Variants in DBT observed in about 807,000 individuals in gnomAD.
The protein encoded by DBT is lipoamide acyltransferase component of branched-chain alpha-keto acid dehydrogenase complex, mitochondrial.
DBT carries 40 observed loss-of-function variants against 51.3 expected under a neutral mutation model. That is an observed-to-expected ratio of 0.78 (90% confidence interval 0.61 to 1.02). The LOEUF is 1.02. DBT is among the 50% of genes least tolerant of loss of function. DBT has a pLI of 0.00. For synonymous variants in DBT, 181 were observed against 190.4 expected, an observed-to-expected ratio of 0.95 and a Z score of 0.41; for missense variants, 510 against 580.2, an observed-to-expected ratio of 0.88 and a Z score of 1.24.
chr1:100,213,484 C>G, intron 7 of DBT: 1 of 1,546,210 alleles, frequency 6.5e-7, no homozygotes, highest in African/African-American at 1.4e-5. Flanking sequence ...GCTGGACCGT[C>G]ATCCGCTATC....
chr1:100,190,303 T>C lies in DBT; in HGVS notation c.*5952A>G, dbSNP rs1172430677. On this transcript the variant is annotated 3_prime_UTR_variant, in exon 11 of 11. Coordinates refer to ENST00000370132, the MANE Select transcript of DBT (RefSeq NM_001918.5). ...ATGTTGGAGGGGAAGAGATAGAATA[T>C]GAAGAATCTCTTGAGAAGTGTTATG... 1 of 152,182 alleles carries C rather than the reference T, an allele frequency of 6.6e-6. No homozygotes were observed. The highest frequency in any genetic ancestry group is 1.5e-5 in the Non-Finnish European group (1 of 68,032). 9.4% of individuals were successfully genotyped at this position (152,182 alleles called of 1,614,324 possible).
intron 4 of DBT, among the ~76,000 whole-genome samples, chr1:100,224,775 G>A (rs1439254521): frequency 6.6e-6 from 1 of 151,846 alleles, no homozygotes; most frequent in African/African-American, 2.4e-5. Context: ...CCAGCACTTT[G>A]GGAGGCCGAG....
At chr1:100,213,246 C>A (rs1030790377) in intron 7 of DBT, 160 of 1,192,676 alleles carry the variant, frequency 1.3e-4, no homozygotes, top group Middle Eastern at 9.4e-4. Flanking sequence ...CCACCCGGGG[C>A]GTGCGCCGCG....
intron 8 of DBT, among the ~76,000 whole-genome samples, chr1:100,210,359 A>G (rs1262621578): frequency 6.7e-6 from 1 of 149,226 alleles, no homozygotes; most frequent in African/African-American, 2.4e-5. Flanking sequence ...TAAGAATAAT[A>G]ATATTAAAAT....
In DBT at chr1:100,210,699, A is replaced by T; in HGVS notation, c.1012T>A (p.Tyr338Asn). ...SVDENCQNITYKASHNIGIAM... is the reference protein window; with the variant it reads ...SVDENCQNITNKASHNIGIAM... The stretch of plus-strand genomic sequence containing the variant: ...TTTTACTCTGCATAGCCAACCTTAT[A>T]TGTTATATTCTGGCAGTTTTCATCC... The change falls in exon 8 of 11, where the codon TAT (tyrosine) becomes AAT (asparagine). Residue 338 changes from tyrosine to asparagine, a missense_variant. Physicochemically the swap from Tyr to Asn is moderately radical, Grantham distance 143. Coordinates refer to ENST00000370132, the MANE Select transcript of DBT (RefSeq NM_001918.5). The T allele has an allele frequency of 6.2e-7, 1 of 1,613,140 alleles. No homozygotes were observed. The highest frequency in any genetic ancestry group is 8.5e-7 in the Non-Finnish European group (1 of 1,179,204).
chr1:100,237,868 T>C (rs1212941833), intron 2 of DBT, among the ~76,000 whole-genome samples: 1 of 152,080 alleles, frequency 6.6e-6, no homozygotes, highest in Non-Finnish European at 1.5e-5. Flanking sequence ...CTTGAACTCC[T>C]GGCCTCAAGC....
chr1:100,228,357 T>G (rs1663342465), intron 4 of DBT, among the ~76,000 whole-genome samples: 1 of 151,952 alleles, frequency 6.6e-6, no homozygotes. Context: ...AACAACTAGG[T>G]GCAATGTATG....
chr1:100,217,154 T>G (rs1358767254), intron 5 of DBT, among the ~76,000 whole-genome samples: 2 of 152,172 alleles, frequency 1.3e-5, no homozygotes, highest in African/African-American at 2.4e-5. Flanking sequence ...CAATATTTAA[T>G]TTTTAGTAAT....
intron 8 of DBT, among the ~76,000 whole-genome samples, chr1:100,207,747 G>A (rs1255768772): frequency 6.6e-6 from 1 of 151,922 alleles, no homozygotes; most frequent in Non-Finnish European, 1.5e-5. Context: ...GCTGAGGTGG[G>A]AGGATCATTT....
intron 1 of DBT, among the ~76,000 whole-genome samples, chr1:100,242,251 T>G (rs1033953047): frequency 2.0e-5 from 3 of 152,098 alleles, no homozygotes; most frequent in Non-Finnish European, 4.4e-5. Context: ...AGCTCTTAAC[T>G]TTTAAAGGCT....
rs1037170864 is a variant in DBT at position 100,213,280 on chromosome 1, G to C, written c.939+1537C>G. On this transcript the variant is annotated intron_variant, in intron 7 of 10. Transcript: ENST00000370132. The stretch of plus-strand genomic sequence containing the variant: ...CGTCCCCGCCGGGGCCGACAGAGCC[G>C]AGCCGGGCCGCCATGGACCACAAGA... 3.1e-5 allele frequency: 42 copies of C among 1,373,176 alleles called. 2 individuals carry two copies. The East Asian group carries it at 4.0e-4, about 13-fold the overall frequency. 85.1% of individuals were successfully genotyped at this position (1,373,176 alleles called of 1,614,324 possible).
rs1662391184 is a variant in DBT, at chr1:100,214,890, T to A, written c.866A>T (p.Lys289Met). 2 of 1,613,978 alleles carry A rather than the reference T, an allele frequency of 1.2e-6. No individual in the cohort carries two copies. The highest frequency in any genetic ancestry group is 1.7e-6 in the Non-Finnish European group (2 of 1,179,938). Residue 289 changes from lysine (K) to methionine (M), a missense_variant, in exon 7 of 11, where the codon AAG becomes ATG. Physicochemically the swap from Lys to Met is moderately conservative, Grantham distance 95. Transcript: ENST00000370132. Reference sequence around the variant, plus strand: ...AATGGGTTTTAATTCTTCTCGGAGCTTAACCAGTTCAGTAAGGTCAATCTC... The same window carrying A: ...AATGGGTTTTAATTCTTCTCGGAGCATAACCAGTTCAGTAAGGTCAATCTC... ...CDEIDLTELV[K>M]LREELKPIAF...
Position 100,193,236 on chromosome 1 carries a change from A to G in DBT, c.*3019T>C, listed in dbSNP as rs1165412790. The G allele has an allele frequency of 1.3e-5, 2 of 152,170 alleles. No homozygotes were observed. Among genetic ancestry groups the G allele is most frequent in the Non-Finnish European group, 2.9e-5 (2 of 68,030 alleles). 9.4% of individuals were successfully genotyped at this position (152,170 alleles called of 1,614,324 possible). On this transcript the variant is annotated 3_prime_UTR_variant, in exon 11 of 11. Transcript: ENST00000370132. ...GGACCTACATACTTACTTATTTCAG[A>G]ACTCCCTTCTCCTGGTTTTTCTATT...
At chr1:100,238,793 A>G (rs575464556) in intron 2 of DBT, among the ~76,000 whole-genome samples, 2 of 152,298 alleles carry the variant, frequency 1.3e-5, no homozygotes, top group South Asian at 4.1e-4. Flanking sequence ...TTTTGGGGAC[A>G]TTGGAATGGA....
rs775424555 is a variant in DBT at position 100,191,502 on chromosome 1, G to A, written c.*4753C>T. 6.6e-6 allele frequency: 1 copy of A among 152,026 alleles called. No homozygotes were observed. The highest frequency in any genetic ancestry group is 1.5e-5 in the Non-Finnish European group (1 of 68,000). 9.4% of individuals were successfully genotyped at this position (152,026 alleles called of 1,614,324 possible). ...ATTTAACACGAACTGAGGTGGGATGGGGTGGGAAGGCAATGCCTTACTTTA... is the reference window on the plus strand; with the variant it reads ...ATTTAACACGAACTGAGGTGGGATGAGGTGGGAAGGCAATGCCTTACTTTA... On this transcript the variant is annotated 3_prime_UTR_variant, in exon 11 of 11. Coordinates refer to ENST00000370132, the MANE Select transcript of DBT (RefSeq NM_001918.5).
chr1:100,196,431 G>GA lies in DBT; in HGVS notation c.1282-10dup, dbSNP rs752915898. On this transcript the variant is annotated splice_polypyrimidine_tract_variant and intron_variant, in intron 10 of 10. Coordinates refer to ENST00000370132, the MANE Select transcript of DBT (RefSeq NM_001918.5). Reference sequence around the variant, plus strand: ...TTAAATCGGGGAATGGCCTAGAAATGAAAAAAAAAAAAAAAAAAAAAAAAA... The same window carrying GA: ...TTAAATCGGGGAATGGCCTAGAAATGAAAAAAAAAAAAAAAAAAAAAAAAAA... 1,280 of 648,916 alleles carry GA rather than the reference G, an allele frequency of 2.0e-3. 44 individuals carry two copies. Among genetic ancestry groups the GA allele is most frequent in the African/African-American group, 7.5e-3 (212 of 28,296 alleles). The allele number at this position is 648,916 out of a possible 1,614,324, so 40.2% of individuals were successfully genotyped here.
rs190742612 is a variant in DBT, at chr1:100,215,286, T to C, written c.773-303A>G. 1.8e-4 allele frequency among the ~76,000 whole-genome samples: 27 copies of C among 152,352 alleles called. No individual in the cohort carries two copies. The East Asian group carries it at 4.4e-3, about 25-fold the overall frequency. On this transcript the variant is annotated intron_variant, in intron 6 of 10. Coordinates refer to ENST00000370132, the MANE Select transcript of DBT (RefSeq NM_001918.5). Reference sequence around the variant, plus strand: ...CCATGTATTTCCCTAACAGCTTTCCTGCAAAGCCACTCTTCTGGAAGTTAA... The same window carrying C: ...CCATGTATTTCCCTAACAGCTTTCCCGCAAAGCCACTCTTCTGGAAGTTAA...
intron 4 of DBT, among the ~76,000 whole-genome samples, chr1:100,230,489 C>T (rs2100826416): frequency 6.6e-6 from 1 of 152,286 alleles, no homozygotes; most frequent in South Asian, 2.1e-4. Flanking sequence ...TTCATCTCTT[C>T]CTTTTGCTAT....
intron 10 of DBT, among the ~76,000 whole-genome samples, chr1:100,198,127 T>C (rs1661213899): frequency 1.3e-5 from 2 of 152,204 alleles, no homozygotes; most frequent in African/African-American, 2.4e-5. Context: ...CATTGATGGA[T>C]GAATGTATAA....
Sources: gnomAD v4.1 joint callset for allele counts (sites outside exome capture counted in the v4.1 genomes callset) on GRCh38, gnomAD v4.1.1 for gene constraint, MANE v1.5 for transcripts, NCBI Gene and HGNC (gene_info 2026-07-23, HGNC 2026-07-21) for gene names.